Variants in GSK3B observed in about 807,000 individuals in gnomAD.
GSK3B encodes the protein glycogen synthase kinase-3 beta.
A neutral mutation model predicts 56.4 loss-of-function variants in GSK3B; 15 were observed. The observed-to-expected ratio is 0.27, with a 90% CI of 0.18 to 0.41. The LOEUF (loss-of-function observed/expected upper bound fraction) is 0.41. Among genes scored for constraint, GSK3B ranks in the 10% least tolerant of loss-of-function variants. GSK3B has a pLI of 1.00. For synonymous variants in GSK3B, 181 were observed against 188.9 expected (o/e 0.96, Z 0.34); for missense variants, 300 against 513.4 (o/e 0.58, Z 4.02).
chr3:120,002,742 C>G (rs959984548), intron 1 of GSK3B, among the ~76,000 whole-genome samples: 4 of 152,184 alleles, frequency 2.6e-5, no homozygotes, highest in African/African-American at 9.7e-5. Context: ...CCCATGTATT[C>G]AGTCATTCTA....
At chr3:119,862,664 C>CTTT in intron 9 of GSK3B, among the ~76,000 whole-genome samples, 1 of 119,154 alleles carries the variant, frequency 8.4e-6, no homozygotes, top group Non-Finnish European at 1.7e-5. Context: ...TCAACTATTT[C>CTTT]TTGTTTTTTT....
chr3:119,967,825 T>TCCCTCC, intron 2 of GSK3B, among the ~76,000 whole-genome samples: 4 of 87,366 alleles, frequency 4.6e-5, no homozygotes, highest in African/African-American at 2.0e-4. Context: ...TCCCTTTCTC[T>TCCCTCC]CTTTCTCTTT....
chr3:119,892,376 A>G (rs2056512249), intron 7 of GSK3B, among the ~76,000 whole-genome samples: 1 of 152,168 alleles, frequency 6.6e-6, no homozygotes, highest in Non-Finnish European at 1.5e-5. Context: ...TAGTTTTACT[A>G]AATATTTATC....
chr3:119,868,048 T>A (rs2056205190), intron 8 of GSK3B, among the ~76,000 whole-genome samples: 1 of 142,974 alleles, frequency 7.0e-6, no homozygotes, highest in Admixed American at 7.0e-5. Flanking sequence ...AAACACCCCT[T>A]TAAAAACAAA....
intron 9 of GSK3B, among the ~76,000 whole-genome samples, chr3:119,852,270 G>A (rs1198936836): frequency 6.6e-6 from 1 of 152,106 alleles, no homozygotes; most frequent in Non-Finnish European, 1.5e-5. Flanking sequence ...TATAGTACAG[G>A]TGTTTTTAGA....
At chr3:120,042,515 C>G (rs1188264168) in intron 1 of GSK3B, among the ~76,000 whole-genome samples, 1 of 152,114 alleles carries the variant, frequency 6.6e-6, no homozygotes, top group African/African-American at 2.4e-5. Flanking sequence ...GGCTTAAGAC[C>G]ATTCCAAAGT....
chr3:119,826,837 C>G lies in GSK3B; in HGVS notation c.1214G>C (p.Arg405Pro). 3.1e-6 allele frequency: 5 copies of G among 1,610,856 alleles called. No individual in the cohort carries two copies. The highest frequency in any genetic ancestry group is 4.2e-6 in the Non-Finnish European group (5 of 1,177,038). The change falls in exon 11 of 11, where the codon CGT becomes CCT. Residue 405 changes from arginine to proline, a missense_variant. Transcript: ENST00000264235. ...AGAAGCAGCATTATTGGTCTGTCCA[C>G]GGTCTCCAGTATTAGCATCTGCAAG... ...TAASDANTGD[R>P]GQTNNAASAS... is the part of the protein sequence containing the mutation.
chr3:120,015,850 A>G (rs2057821961), intron 1 of GSK3B, among the ~76,000 whole-genome samples: 1 of 152,002 alleles, frequency 6.6e-6, no homozygotes, highest in African/African-American at 2.4e-5. Context: ...GTGTCTTCCT[A>G]TGCTTGCCAT....
At chr3:119,849,020 T>A (rs1009476397) in intron 9 of GSK3B, among the ~76,000 whole-genome samples, 15 of 152,272 alleles carry the variant, frequency 9.9e-5, no homozygotes, top group African/African-American at 3.6e-4. Context: ...TTACTTCAAG[T>A]CAGTTCAATT....
chr3:119,974,110 T>G (rs2057391144), intron 2 of GSK3B, among the ~76,000 whole-genome samples: 1 of 152,232 alleles, frequency 6.6e-6, no homozygotes, highest in Admixed American at 6.5e-5. Flanking sequence ...TTTGGTAAGT[T>G]GAACTTCGTT....
In GSK3B at chr3:119,997,615, G is replaced by A. The variant is rs575317433; in HGVS notation, c.282+4431C>T. 2.6e-5 allele frequency among the ~76,000 whole-genome samples: 4 copies of A among 152,142 alleles called. No individual in the cohort carries two copies. The South Asian group carries it at 8.3e-4, about 32-fold the overall frequency. On this transcript the variant is annotated intron_variant, in intron 2 of 10. Coordinates refer to ENST00000264235, the MANE Select transcript of GSK3B (RefSeq NM_001146156.2). ...ATCTAAAGTTTGTTTTTGTTTTGTT[G>A]GGGTTGCAGGAGAAACATCACAGGC...
Position 119,876,402 on chromosome 3 carries a change from A to T in GSK3B, c.909+11T>A. The T allele has an allele frequency of 1.4e-6, 2 of 1,464,044 alleles. No homozygotes were observed. The highest frequency in any genetic ancestry group is 1.9e-6 in the Non-Finnish European group (2 of 1,045,824). 90.7% of individuals were successfully genotyped at this position (1,464,044 alleles called of 1,614,324 possible). Reference sequence around the variant, plus strand: ...TACTGATTAATATACTTAAAAAAAAATCTAACTCACCTTAGTCCAAGGATG... The same window carrying T: ...TACTGATTAATATACTTAAAAAAAATTCTAACTCACCTTAGTCCAAGGATG... On this transcript the variant is annotated intron_variant, in intron 8 of 10. Transcript: ENST00000264235.
intron 7 of GSK3B, among the ~76,000 whole-genome samples, chr3:119,882,155 GTT>G (rs67933002): frequency 6.9e-6 from 1 of 144,404 alleles, no homozygotes. Context: ...TACAATTCTT[GTT>G]TTTTTTTTTT....
At chr3:119,923,738 C>T (rs776678450) in intron 3 of GSK3B, among the ~76,000 whole-genome samples, 29 of 152,168 alleles carry the variant, frequency 1.9e-4, no homozygotes, top group Admixed American at 3.3e-4. Flanking sequence ...TACATTTAAA[C>T]GATTATTTTG....
At chr3:119,858,211 T>C (rs971426952) in intron 9 of GSK3B, among the ~76,000 whole-genome samples, 2 of 152,204 alleles carry the variant, frequency 1.3e-5, no homozygotes, top group African/African-American at 4.8e-5. Context: ...TGAGTCAACC[T>C]ATCCTTTGAA....
intron 1 of GSK3B, among the ~76,000 whole-genome samples, chr3:120,004,327 C>A (rs1368214381): frequency 6.6e-6 from 1 of 152,224 alleles, no homozygotes; most frequent in Non-Finnish European, 1.5e-5. Flanking sequence ...GATTCCACCT[C>A]TGGGGGCAGG....
At chr3:119,930,466 A>AT (rs1342530974) in intron 3 of GSK3B, among the ~76,000 whole-genome samples, 5 of 152,196 alleles carry the variant, frequency 3.3e-5, no homozygotes, top group Non-Finnish European at 7.3e-5. Context: ...TTGGCTGTCA[A>AT]TTTATAACCT....
intron 2 of GSK3B, among the ~76,000 whole-genome samples, chr3:119,988,906 T>C (rs2057539226): frequency 6.6e-6 from 1 of 152,206 alleles, no homozygotes; most frequent in South Asian, 2.1e-4. Context: ...TTAATAAAAA[T>C]GGGAAACTGG....
Position 120,094,438 on chromosome 3 carries a change from T to C in GSK3B, c.-1004A>G. 3.6e-6 allele frequency: 1 copy of C among 274,662 alleles called. No individual in the cohort carries two copies. The highest frequency in any genetic ancestry group is 6.9e-6 in the Non-Finnish European group (1 of 145,178). The allele number at this position is 274,662 out of a possible 1,614,324, so 17.0% of individuals were successfully genotyped here. A position where few individuals can be genotyped will look rare whatever the true frequency, so the allele number is the denominator to read the frequency against. ...GCCCGCATTCGCCCGGGTCAGGAGC[T>C]GCTCTGTGTGAGGAGCGCTGTCTGC... On this transcript the variant is annotated 5_prime_UTR_variant, in exon 1 of 11. Coordinates refer to ENST00000264235, the MANE Select transcript of GSK3B (RefSeq NM_001146156.2).
Sources: allele counts gnomAD v4.1 joint callset (sites outside exome capture counted in the v4.1 genomes callset), GRCh38; gene constraint gnomAD v4.1.1; transcripts MANE v1.5; gene names NCBI Gene and HGNC (gene_info 2026-07-23, HGNC 2026-07-21).